The following LANCL1 variants were observed in gnomAD, a reference collection of about 807,000 sequenced individuals.
LANCL1 encodes LanC like glutathione S-transferase 1.
Under a neutral mutation model 50.6 loss-of-function variants are expected in LANCL1, and 50 were observed. The observed-to-expected ratio is 0.99, with a 90% CI of 0.79 to 1.25. The LOEUF (loss-of-function observed/expected upper bound fraction) is 1.25, where lower values mean the gene tolerates loss of function less well. Among genes scored for constraint, LANCL1 ranks in the 50% most tolerant of loss-of-function variants. LANCL1 has a pLI of 0.00. For missense variants in LANCL1, 532 were observed against 480.7 expected, an observed-to-expected ratio of 1.11 and a Z score of -1.00; for synonymous variants, 188 against 178.6, an observed-to-expected ratio of 1.05 and a Z score of -0.42.
intron 4 of LANCL1, among the ~76,000 whole-genome samples, chr2:210,452,706 A>G (rs57452292): frequency 0.069 from 10,433 of 152,188 alleles, 1,142 homozygotes; most frequent in African/African-American, 0.24. Flanking sequence ...TTGGATTTCA[A>G]TTTCTGTAAG....
At position 210,432,771 on chromosome 2, in the gene LANCL1, C is replaced by T. The variant is rs546485695; in HGVS notation, c.*1716G>A. ...TACTTCTTACTGTAAGTGCTGATATCGCTGATTGAAAACTTTCACAAGAAA... is the reference window on the plus strand; with the variant it reads ...TACTTCTTACTGTAAGTGCTGATATTGCTGATTGAAAACTTTCACAAGAAA... On this transcript the variant is annotated 3_prime_UTR_variant, in exon 10 of 10. Transcript: ENST00000450366. The T allele has an allele frequency of 1.3e-5, 2 of 152,210 alleles. No individual in the cohort carries two copies. Among genetic ancestry groups the T allele is most frequent in the African/African-American group, 2.4e-5 (1 of 41,516 alleles). 9.4% of individuals were successfully genotyped at this position (152,210 alleles called of 1,614,324 possible).
intron 7 of LANCL1, among the ~76,000 whole-genome samples, chr2:210,437,139 GCTTT>G (rs1328208140): frequency 6.6e-6 from 1 of 151,968 alleles, no homozygotes; most frequent in Non-Finnish European, 1.5e-5. Context: ...GTGAAGGCAT[GCTTT>G]CTATTAGTGT....
Position 210,464,978 on chromosome 2 carries a change from A to AC in LANCL1, c.199+6980_199+6981insG, listed in dbSNP as rs1312956788. Among the ~76,000 whole-genome samples the AC allele has an allele frequency of 1.3e-4, 17 of 134,902 alleles. 1 individual carries two copies. The highest frequency in any genetic ancestry group is 3.1e-4 in the African/African-American group (12 of 38,360). 88.5% of individuals were successfully genotyped at this position (134,902 alleles called of 152,430 possible). A position where few individuals can be genotyped will look rare whatever the true frequency, so the allele number is the denominator to read the frequency against. Reference sequence around the variant, plus strand: ...ACAGGGCGAGACTCCGTCTCAAAAAAAAAAAAAAAAAAACTTATGCGTACA... The same window carrying AC: ...ACAGGGCGAGACTCCGTCTCAAAAAACAAAAAAAAAAAAACTTATGCGTACA... On this transcript the variant is annotated intron_variant, in intron 3 of 9. Transcript: ENST00000450366.
At chr2:210,464,956 G>A (rs1693996828) in intron 3 of LANCL1, among the ~76,000 whole-genome samples, 1 of 135,756 alleles carries the variant, frequency 7.4e-6, no homozygotes, top group South Asian at 2.3e-4. Flanking sequence ...CTGGGTGACA[G>A]GGCGAGACTC....
chr2:210,472,771 T>C (rs2105929246), intron 2 of LANCL1, among the ~76,000 whole-genome samples: 1 of 152,316 alleles, frequency 6.6e-6, no homozygotes, highest in East Asian at 1.9e-4. Flanking sequence ...AGGATAATAA[T>C]AACTGCCACG....
chr2:210,468,866 A>C (rs1236024422), intron 3 of LANCL1: 1 of 152,254 alleles, frequency 6.6e-6, no homozygotes, highest in Non-Finnish European at 1.5e-5. Flanking sequence ...AGAGAAAAAT[A>C]CAGTTATTTA....
intron 2 of LANCL1, among the ~76,000 whole-genome samples, chr2:210,472,825 C>G (rs1236143678): frequency 6.6e-6 from 1 of 152,122 alleles, no homozygotes; most frequent in African/African-American, 2.4e-5. Context: ...GATAGTGTAT[C>G]ACAAGTCTTT....
At chr2:210,441,579 C>T in intron 4 of LANCL1, 136 bp from the exon 5 acceptor site, 1 of 625,840 alleles carries the variant, frequency 1.6e-6, no homozygotes, top group Non-Finnish European at 2.6e-6. Flanking sequence ...ATTTATAGAA[C>T]AGTCACGGTT....
At chr2:210,452,936 G>T (rs1382243718) in intron 4 of LANCL1, among the ~76,000 whole-genome samples, 7 of 151,980 alleles carry the variant, frequency 4.6e-5, no homozygotes, top group Admixed American at 3.9e-4. Flanking sequence ...GTTAAAGGAG[G>T]TTTACTAAAT....
rs1032478244 is a variant in LANCL1, at chr2:210,432,167, G to C, written c.*2320C>G. 1 of 152,174 alleles carries C rather than the reference G, an allele frequency of 6.6e-6. No individual in the cohort carries two copies. Among genetic ancestry groups the C allele is most frequent in the Non-Finnish European group, 1.5e-5 (1 of 68,034 alleles). 9.4% of individuals were successfully genotyped at this position (152,174 alleles called of 1,614,324 possible). A position where few individuals can be genotyped will look rare whatever the true frequency, so the allele number is the denominator to read the frequency against. ...TTCTTTAGTTACTACCATGTTGTTA[G>C]GGGATTGTCTCAGCGTTGTAGGCTT... is the stretch of plus-strand genomic sequence containing the variant. On this transcript the variant is annotated 3_prime_UTR_variant, in exon 10 of 10. Transcript: ENST00000450366.
chr2:210,444,019 C>CTGTA (rs1022574923), intron 4 of LANCL1, among the ~76,000 whole-genome samples: 7 of 152,064 alleles, frequency 4.6e-5, no homozygotes, highest in East Asian at 1.9e-4. Context: ...GGGTAGGAGA[C>CTGTA]TGTATGTATG....
chr2:210,463,966 C>G (rs902107614), intron 3 of LANCL1, among the ~76,000 whole-genome samples: 4 of 152,172 alleles, frequency 2.6e-5, no homozygotes, highest in Admixed American at 6.5e-5. Flanking sequence ...TTCATGTTAA[C>G]CAATCTCTTC....
At chr2:210,468,148 T>A (rs1010845388) in intron 3 of LANCL1, 5 of 151,700 alleles carry the variant, frequency 3.3e-5, no homozygotes, top group African/African-American at 9.7e-5. Flanking sequence ...TAATACTTAC[T>A]TTCTGTGGCA....
intron 3 of LANCL1, among the ~76,000 whole-genome samples, chr2:210,459,399 A>T (rs899841177): frequency 2.0e-5 from 3 of 152,072 alleles, no homozygotes; most frequent in African/African-American, 7.2e-5. Context: ...TTGAATTACT[A>T]CTCCTGCAAC....
intron 3 of LANCL1, among the ~76,000 whole-genome samples, chr2:210,456,752 AAG>A (rs1339255299): frequency 1.3e-5 from 2 of 152,164 alleles, no homozygotes; most frequent in African/African-American, 4.8e-5. Flanking sequence ...TCTCCTAGTT[AAG>A]TTATGTAAGC....
chr2:210,472,691 T>A (rs1022642077), intron 2 of LANCL1, among the ~76,000 whole-genome samples: 1 of 152,208 alleles, frequency 6.6e-6, no homozygotes, highest in Admixed American at 6.5e-5. Flanking sequence ...CCTGTCTACA[T>A]CCTTACCCGC....
At chr2:210,464,838 C>T (rs1394168833) in intron 3 of LANCL1, among the ~76,000 whole-genome samples, 1 of 150,142 alleles carries the variant, frequency 6.7e-6, no homozygotes, top group Non-Finnish European at 1.5e-5. Context: ...CGGTGGCGGG[C>T]GCCTGTAGTC....
At chr2:210,476,493 A>AT (rs1694382398) in intron 1 of LANCL1, 81 bp from the exon 2 acceptor site, 2 of 1,467,904 alleles carry the variant, frequency 1.4e-6, no homozygotes, top group Admixed American at 2.4e-5. Flanking sequence ...GCGCCCAGGT[A>AT]TCCCCCTTCC....
At chr2:210,443,520 A>G (rs374202223) in intron 4 of LANCL1, among the ~76,000 whole-genome samples, 3 of 152,192 alleles carry the variant, frequency 2.0e-5, no homozygotes, top group African/African-American at 7.2e-5. Flanking sequence ...TTTCGACACT[A>G]AATCTTTGTT....
Sources: allele counts gnomAD v4.1 joint callset (sites outside exome capture counted in the v4.1 genomes callset), GRCh38; gene constraint gnomAD v4.1.1; transcripts MANE v1.5; gene names NCBI Gene and HGNC (gene_info 2026-07-23, HGNC 2026-07-21).